The following COL11A1 variants were observed in gnomAD, a reference collection of about 807,000 sequenced individuals.
COL11A1 encodes collagen alpha-1(XI) chain.
A neutral mutation model predicts 265.2 loss-of-function variants in COL11A1; 74 were observed. The observed-to-expected ratio is 0.28, with a 90% CI of 0.23 to 0.34. The LOEUF (loss-of-function observed/expected upper bound fraction) is 0.34. Ranked by LOEUF, COL11A1 falls within the 10% of genes least tolerant of loss-of-function variation. The pLI is 1.00. For synonymous variants in COL11A1, 816 were observed against 727.6 expected (o/e 1.12, Z -1.96); for missense variants, 2,165 against 2,263.6 (o/e 0.96, Z 0.88).
chr1:102,993,403 T>A (rs572689310), intron 28 of COL11A1, among the ~76,000 whole-genome samples: 23 of 152,134 alleles, frequency 1.5e-4, no homozygotes, highest in Non-Finnish European at 2.4e-4. Context: ...TATAAAAGGC[T>A]ATAGTATTTA....
chr1:102,877,354 G>C lies in COL11A1; in HGVS notation c.*665C>G, dbSNP rs202039091. The C allele has an allele frequency of 1.3e-5, 2 of 152,578 alleles. No individual in the cohort carries two copies. The highest frequency in any genetic ancestry group is 2.4e-5 in the African/African-American group (1 of 41,440). 9.5% of individuals were successfully genotyped at this position (152,578 alleles called of 1,614,324 possible). On this transcript the variant is annotated 3_prime_UTR_variant, in exon 67 of 67. Coordinates refer to ENST00000370096, the MANE Select transcript of COL11A1 (RefSeq NM_001854.4). Reference sequence around the variant, plus strand: ...ACTGTCGGCAGAGAAGAGTTGATCAGAGTGTGCTTCCAAAAGTCTTCCAGA... The same window carrying C: ...ACTGTCGGCAGAGAAGAGTTGATCACAGTGTGCTTCCAAAAGTCTTCCAGA...
At chr1:102,956,201 T>C (rs571617678) in intron 41 of COL11A1, among the ~76,000 whole-genome samples, 1 of 152,326 alleles carries the variant, frequency 6.6e-6, no homozygotes, top group Non-Finnish European at 1.5e-5. Context: ...AGGCTGCTTT[T>C]CATAGATAAA....
intron 63 of COL11A1, among the ~76,000 whole-genome samples, chr1:102,886,365 C>A (rs1042312400): frequency 6.6e-6 from 1 of 152,084 alleles, no homozygotes; most frequent in African/African-American, 2.4e-5. Context: ...CAAATCATTG[C>A]CAAACTGATA....
intron 4 of COL11A1, among the ~76,000 whole-genome samples, chr1:103,048,985 C>A (rs1043348702): frequency 6.6e-6 from 1 of 152,084 alleles, no homozygotes; most frequent in Admixed American, 6.6e-5. Flanking sequence ...AATTTCTGTT[C>A]TTTTACATTT....
At chr1:103,002,695 TC>T in intron 22 of COL11A1, 51 bp downstream of exon 22, 5 of 1,511,198 alleles carry the variant, frequency 3.3e-6, no homozygotes, top group Non-Finnish European at 4.6e-6. Flanking sequence ...AAAAATGGTT[TC>T]TTAGGGCTTA....
At chr1:103,037,650 T>C (rs946268555) in intron 4 of COL11A1, among the ~76,000 whole-genome samples, 6 of 152,204 alleles carry the variant, frequency 3.9e-5, no homozygotes, top group African/African-American at 1.4e-4. Context: ...GTTGAATCAG[T>C]GCTCAATTAT....
rs746359324 is a variant in COL11A1 at position 103,006,240 on chromosome 1, G to A, written c.1737+22C>T. The A allele has an allele frequency of 2.6e-5, 41 of 1,593,860 alleles. No individual in the cohort carries two copies. In the South Asian group the frequency reaches 4.6e-4, roughly 18 times the overall value. ...TGATCATGGCAGATGCCTTCAAAAT[G>A]CACAATGAAAATAAGCCATACCCTT... On this transcript the variant is annotated intron_variant, in intron 16 of 66. Transcript: ENST00000370096.
At chr1:103,071,539 T>C (rs1347749988) in intron 4 of COL11A1, among the ~76,000 whole-genome samples, 2 of 147,676 alleles carry the variant, frequency 1.4e-5, no homozygotes, top group African/African-American at 5.1e-5. Context: ...CTCCATTTAT[T>C]AAGGTCTGTA....
chr1:103,019,917 C>A (rs1666875174), intron 9 of COL11A1, among the ~76,000 whole-genome samples: 1 of 148,336 alleles, frequency 6.7e-6, no homozygotes, highest in East Asian at 2.0e-4. Context: ...AGGACATGAA[C>A]TCATCATTTT....
At chr1:103,009,414 C>CA (rs1665919772) in intron 14 of COL11A1, among the ~76,000 whole-genome samples, 1 of 151,946 alleles carries the variant, frequency 6.6e-6, no homozygotes, top group African/African-American at 2.4e-5. Flanking sequence ...AACTCCATCT[C>CA]AAAAAATAAA....
chr1:103,068,934 A>G (rs992241630), intron 4 of COL11A1, among the ~76,000 whole-genome samples: 1 of 151,592 alleles, frequency 6.6e-6, no homozygotes, highest in Non-Finnish European at 1.5e-5. Flanking sequence ...ACCAAAATAA[A>G]TGGAGTTATA....
At chr1:102,914,951 T>G (rs1350812148) in intron 50 of COL11A1, 140 bp from the exon 51 acceptor site, 1 of 707,798 alleles carries the variant, frequency 1.4e-6, no homozygotes, top group African/African-American at 1.8e-5. Flanking sequence ...TGTCACCAAG[T>G]TGGAGTGTAG....
At chr1:103,039,662 G>T (rs1222579602) in intron 4 of COL11A1, among the ~76,000 whole-genome samples, 1 of 151,966 alleles carries the variant, frequency 6.6e-6, no homozygotes, top group African/African-American at 2.4e-5. Flanking sequence ...GAAAAAATAA[G>T]TTTCTGTTAT....
In COL11A1 at chr1:102,977,413, G is replaced by A. The variant is rs1247903808; in HGVS notation, c.2754+1295C>T. 2.0e-5 allele frequency among the ~76,000 whole-genome samples: 3 copies of A among 152,174 alleles called. No homozygotes were observed. The East Asian group carries it at 5.8e-4, about 29-fold the overall frequency. ...AAACAAAAATTCCCAAGAGGTACTT[G>A]TCTCACTCTCAAAGTGTTTTTAAAA... On this transcript the variant is annotated intron_variant, in intron 35 of 66. Coordinates refer to ENST00000370096, the MANE Select transcript of COL11A1 (RefSeq NM_001854.4).
chr1:103,046,857 T>C (rs982003519), intron 4 of COL11A1, among the ~76,000 whole-genome samples: 1 of 151,966 alleles, frequency 6.6e-6, no homozygotes, highest in African/African-American at 2.4e-5. Flanking sequence ...ATTTATTAAA[T>C]AGGGAATCCT....
chr1:102,877,051 A>G lies in COL11A1; in HGVS notation c.*968T>C, dbSNP rs2100989656. On this transcript the variant is annotated 3_prime_UTR_variant, in exon 67 of 67. Transcript: ENST00000370096. ...ATTCATAAATAATTGCTTAATTTCC[A>G]TCTTTAATATTAACCTGCATTATTG... 1 of 152,716 alleles carries G rather than the reference A, an allele frequency of 6.5e-6. No individual in the cohort carries two copies. The highest frequency in any genetic ancestry group is 1.9e-4 in the East Asian group (1 of 5,186). 9.5% of individuals were successfully genotyped at this position (152,716 alleles called of 1,614,324 possible).
chr1:102,914,260 T>G (rs1357383986), intron 52 of COL11A1, 92 bp downstream of exon 52: 6 of 988,042 alleles, frequency 6.1e-6, no homozygotes, highest in Admixed American at 2.3e-5. Context: ...GGGAGTTCAC[T>G]TAGGTTATTA....
At chr1:103,022,013 A>AC (rs552424084) in intron 8 of COL11A1, among the ~76,000 whole-genome samples, 2 of 139,580 alleles carry the variant, frequency 1.4e-5, no homozygotes, top group Non-Finnish European at 3.1e-5. Flanking sequence ...CACCTAGCTA[A>AC]TTTTTTTTTT....
chr1:102,892,776 C>A (rs908178984), intron 57 of COL11A1, among the ~76,000 whole-genome samples: 1 of 152,088 alleles, frequency 6.6e-6, no homozygotes, highest in African/African-American at 2.4e-5. Flanking sequence ...ATTTGGAATT[C>A]TCTAAGTATT....
Sources: gnomAD v4.1 joint callset for allele counts (sites outside exome capture counted in the v4.1 genomes callset) on GRCh38, gnomAD v4.1.1 for gene constraint, MANE v1.5 for transcripts, NCBI Gene and HGNC (gene_info 2026-07-23, HGNC 2026-07-21) for gene names.